The following ERCC5 variants were observed in gnomAD, a reference collection of about 807,000 sequenced individuals.
ERCC5 encodes ERCC excision repair 5, endonuclease, also known as DNA excision repair protein ERCC-5.
Under a neutral mutation model 105.6 loss-of-function variants are expected in ERCC5, and 68 were observed. The ratio of observed to expected loss-of-function variants is 0.64; its 90% CI spans 0.53 to 0.79. The LOEUF is 0.79. ERCC5 is among the 30% of genes least tolerant of loss of function. The pLI, the probability that ERCC5 is intolerant of heterozygous loss-of-function variation, is 0.00. For synonymous variants in ERCC5, 546 were observed against 526.2 expected (o/e 1.04, Z -0.51); for missense variants, 1,373 against 1,426.7 (o/e 0.96, Z 0.61).
At position 102,847,899 on chromosome 13, in the gene ERCC5, G is replaced by C. The variant is rs562751301; in HGVS notation, c.88+1545G>C. On this transcript the variant is annotated intron_variant, in intron 1 of 14. Transcript: ENST00000652225. ...ACTGTGGCCAGGCTCAGTGGCTTAC[G>C]CCTGTCATCCCAGCACTTTGGGAGG... is the stretch of plus-strand genomic sequence containing the variant. Among the ~76,000 whole-genome samples the C allele has an allele frequency of 3.3e-5, 5 of 152,316 alleles. No homozygotes were observed. In the South Asian group the frequency reaches 1.0e-3, roughly 32 times the overall value.
In ERCC5 at chr13:102,849,019, C is replaced by A. The variant is rs117427142; in HGVS notation, c.88+2665C>A. Reference sequence around the variant, plus strand: ...GATAGCAGGGATGAGAGCCACTGATCTGAAACTAGATTTCCTCACTGAAGT... The same window carrying A: ...GATAGCAGGGATGAGAGCCACTGATATGAAACTAGATTTCCTCACTGAAGT... On this transcript the variant is annotated intron_variant, in intron 1 of 14. Coordinates refer to ENST00000652225, the MANE Select transcript of ERCC5 (RefSeq NM_000123.4). 51 of 408,200 alleles carry A rather than the reference C, an allele frequency of 1.2e-4. No homozygotes were observed. The East Asian group carries it at 3.3e-3, about 27-fold the overall frequency. The allele number at this position is 408,200 out of a possible 1,614,324, so 25.3% of individuals were successfully genotyped here. A position where few individuals can be genotyped will look rare whatever the true frequency, so the allele number is the denominator to read the frequency against.
At position 102,846,850 on chromosome 13, in the gene ERCC5, G is replaced by T. The variant is rs556980496; in HGVS notation, c.88+496G>T. 2.6e-5 allele frequency among the ~76,000 whole-genome samples: 4 copies of T among 152,330 alleles called. No individual in the cohort carries two copies. The South Asian group carries it at 8.3e-4, about 32-fold the overall frequency. On this transcript the variant is annotated intron_variant, in intron 1 of 14. Coordinates refer to ENST00000652225, the MANE Select transcript of ERCC5 (RefSeq NM_000123.4). ...CCTGTCTGCTTTCCCCAGCTTTGCA[G>T]TCTTAGCGGCCTGTGCATCCTGGTT... is the stretch of plus-strand genomic sequence containing the variant.
chr13:102,858,971 C>T, intron 6 of ERCC5: 1 of 455,682 alleles, frequency 2.2e-6, no homozygotes, highest in Non-Finnish European at 4.4e-6. Context: ...CCCTTGCCCT[C>T]TTCCTGGACA....
chr13:102,873,203 A>G, intron 13 of ERCC5, 56 bp from the exon 14 acceptor site: 1 of 1,609,730 alleles, frequency 6.2e-7, no homozygotes, highest in Non-Finnish European at 8.5e-7. Flanking sequence ...GGACCTTTTT[A>G]TTTGTCACTT....
rs1883173668 is a variant in ERCC5 at position 102,875,294 on chromosome 13, G to A, written c.2965-13G>A. On this transcript the variant is annotated splice_polypyrimidine_tract_variant and intron_variant, in intron 14 of 14. Coordinates refer to ENST00000652225, the MANE Select transcript of ERCC5 (RefSeq NM_000123.4). ...TCTGATTTATTATTATTATTCTTTT[G>A]TTATTTTTTTAGACACAGCTCCGAA... The A allele has an allele frequency of 1.2e-6, 2 of 1,611,462 alleles. No homozygotes were observed. The highest frequency in any genetic ancestry group is 2.7e-5 in the African/African-American group (2 of 74,728).
chr13:102,850,222 G>A (rs1484960474), intron 1 of ERCC5, among the ~76,000 whole-genome samples: 4 of 152,164 alleles, frequency 2.6e-5, no homozygotes, highest in Middle Eastern at 3.4e-3. Flanking sequence ...TACCGCACTC[G>A]GCCTCAATAT....
intron 14 of ERCC5, 36 bp from the exon 15 acceptor site, chr13:102,875,271 T>C (rs1301580685): frequency 1.2e-5 from 19 of 1,599,030 alleles, no homozygotes. Flanking sequence ...CTTACTTGTC[T>C]GATTTATTAT....
At chr13:102,874,916 T>C in intron 14 of ERCC5, 1 of 200,334 alleles carries the variant, frequency 5.0e-6, no homozygotes, top group South Asian at 8.9e-5. Flanking sequence ...TCAAAGGTAT[T>C]GTATGATGAT....
At chr13:102,872,517 A>T in intron 13 of ERCC5, 119 bp downstream of exon 13, 1 of 1,208,824 alleles carries the variant, frequency 8.3e-7, no homozygotes, top group Non-Finnish European at 1.2e-6. Context: ...CCATTTTCTT[A>T]ATATCCCGCT....
intron 10 of ERCC5, 108 bp from the exon 11 acceptor site, chr13:102,866,524 C>T: frequency 1.9e-6 from 3 of 1,596,652 alleles, no homozygotes; most frequent in Non-Finnish European, 1.7e-6. Context: ...GTGTCCCTAA[C>T]TCTGCAGGAA....
chr13:102,871,248 C>T (rs764481113), intron 12 of ERCC5, among the ~76,000 whole-genome samples: 8 of 152,186 alleles, frequency 5.3e-5, no homozygotes, highest in Non-Finnish European at 8.8e-5. Context: ...GCGAGGGCCT[C>T]CCCTAGGCCT....
intron 8 of ERCC5, among the ~76,000 whole-genome samples, chr13:102,864,289 C>A (rs1357048027): frequency 3.3e-5 from 5 of 152,178 alleles, no homozygotes; most frequent in African/African-American, 9.7e-5. Flanking sequence ...CCTGAACAAA[C>A]TTCCACCCAC....
Position 102,846,198 on chromosome 13 carries a change from C to T in ERCC5, c.-69C>T. On this transcript the variant is annotated 5_prime_UTR_variant, in exon 1 of 15. Coordinates refer to ENST00000652225, the MANE Select transcript of ERCC5 (RefSeq NM_000123.4). ...GGCTTCCTCCCGGGGTCCTAGGCGG[C>T]GGTGCAGTCCGTCGTAGAAGAATTA... 1.5e-6 allele frequency: 2 copies of T among 1,337,496 alleles called. No homozygotes were observed. Among genetic ancestry groups the T allele is most frequent in the Non-Finnish European group, 2.1e-6 (2 of 946,550 alleles). 82.9% of individuals were successfully genotyped at this position (1,337,496 alleles called of 1,614,324 possible).
chr13:102,857,450 C>T (rs753935283), intron 5 of ERCC5, among the ~76,000 whole-genome samples: 10 of 152,046 alleles, frequency 6.6e-5, no homozygotes, highest in African/African-American at 1.7e-4. Context: ...AAATGCTGAG[C>T]GCAGTGACAG....
intron 1 of ERCC5, among the ~76,000 whole-genome samples, chr13:102,846,600 C>T (rs1165655546): frequency 1.3e-5 from 2 of 152,138 alleles, no homozygotes; most frequent in African/African-American, 4.8e-5. Context: ...TATATAATGG[C>T]GTGGTATTTG....
intron 4 of ERCC5, among the ~76,000 whole-genome samples, chr13:102,855,699 C>G (rs1882387328): frequency 6.6e-6 from 1 of 152,212 alleles, no homozygotes. Flanking sequence ...CTGGAACACT[C>G]TTCTCCATGA....
At chr13:102,848,102 T>C (rs1566462715) in intron 1 of ERCC5, among the ~76,000 whole-genome samples, 3 of 152,230 alleles carry the variant, frequency 2.0e-5, no homozygotes, top group Admixed American at 6.5e-5. Flanking sequence ...AAGGCTGCAA[T>C]GAGCCGTGTT....
At chr13:102,870,888 A>G (rs4771438) in intron 12 of ERCC5, among the ~76,000 whole-genome samples, 151,984 of 152,286 alleles carry the variant, frequency 1, 75,842 homozygotes, top group Middle Eastern at 1. Context: ...TTGAGTACAT[A>G]GATTGGTGAG....
intron 1 of ERCC5, among the ~76,000 whole-genome samples, chr13:102,846,672 T>A (rs1447310466): frequency 6.6e-6 from 1 of 152,264 alleles, no homozygotes; most frequent in African/African-American, 2.4e-5. Flanking sequence ...TAATGCCGAA[T>A]GCAATGTAAG....
Sources: gnomAD v4.1 joint callset for allele counts (sites outside exome capture counted in the v4.1 genomes callset) on GRCh38, gnomAD v4.1.1 for gene constraint, MANE v1.5 for transcripts, NCBI Gene and HGNC (gene_info 2026-07-23, HGNC 2026-07-21) for gene names.